Variants in DLAT observed in about 807,000 individuals in gnomAD.
The protein encoded by DLAT is dihydrolipoyllysine-residue acetyltransferase component of pyruvate dehydrogenase complex, mitochondrial.
Under a neutral mutation model 68.0 loss-of-function variants are expected in DLAT, and 43 were observed. That is an observed-to-expected ratio of 0.63 (90% CI 0.50 to 0.81). The LOEUF (loss-of-function observed/expected upper bound fraction) is 0.81, where lower values mean the gene tolerates loss of function less well. Among genes scored for constraint, DLAT ranks in the 40% least tolerant of loss-of-function variants. The probability of loss-of-function intolerance (pLI) is 0.00; values close to 1 mark genes in which losing one functional copy is unlikely to be tolerated. For missense variants in DLAT, 745 were observed against 815.4 expected (o/e 0.91, Z 1.05); for synonymous variants, 265 against 288.6 (o/e 0.92, Z 0.83).
intron 4 of DLAT, among the ~76,000 whole-genome samples, chr11:112,029,174 C>A (rs1862259672): frequency 6.6e-6 from 1 of 152,208 alleles, no homozygotes; most frequent in African/African-American, 2.4e-5. Flanking sequence ...GTGTAGTACA[C>A]AGGGTAATGC....
chr11:112,047,997 G>A (rs1164755670), intron 10 of DLAT, among the ~76,000 whole-genome samples: 1 of 152,038 alleles, frequency 6.6e-6, no homozygotes, highest in Non-Finnish European at 1.5e-5. Flanking sequence ...TTCTAATTCT[G>A]TGAAGAAAGT....
chr11:112,051,537 C>T lies in DLAT; in HGVS notation c.1514+188C>T, dbSNP rs901352120. 6.6e-6 allele frequency among the ~76,000 whole-genome samples: 1 copy of T among 151,902 alleles called. No homozygotes were observed. The highest frequency in any genetic ancestry group is 2.4e-5 in the African/African-American group (1 of 41,340). On this transcript the variant is annotated intron_variant, in intron 11 of 13. Transcript: ENST00000280346. This position sits in a 1 kb window ranked among gnomAD's most constrained non-coding sequence, Gnocchi z 4.3. Reference sequence around the variant, plus strand: ...CTTTTTACTTTTTTTTCTTACTGGCCCCAATTTTCAACCTTGTTTTTGTTT... The same window carrying T: ...CTTTTTACTTTTTTTTCTTACTGGCTCCAATTTTCAACCTTGTTTTTGTTT...
In DLAT at chr11:112,062,910, C is replaced by T. The variant is rs1864722925; in HGVS notation, c.*375C>T. 1 of 237,006 alleles carries T rather than the reference C, an allele frequency of 4.2e-6. No homozygotes were observed. The allele number at this position is 237,006 out of a possible 1,614,324, so 14.7% of individuals were successfully genotyped here. A position where few individuals can be genotyped will look rare whatever the true frequency, so the allele number is the denominator to read the frequency against. On this transcript the variant is annotated 3_prime_UTR_variant, in exon 14 of 14. Coordinates refer to ENST00000280346, the MANE Select transcript of DLAT (RefSeq NM_001931.5). ...GAAACCTTGAAGTTCTGAAATTTAA[C>T]TGCCTAAAATGTTCTCCTTAGATGT...
At chr11:112,052,336 A>G (rs1381762581) in intron 11 of DLAT, among the ~76,000 whole-genome samples, 1 of 152,102 alleles carries the variant, frequency 6.6e-6, no homozygotes, top group Non-Finnish European at 1.5e-5. Flanking sequence ...CAGATCCCAA[A>G]GATTGAGGGC....
At chr11:112,059,279 G>A (rs1555182924) in intron 11 of DLAT, among the ~76,000 whole-genome samples, 2 of 151,960 alleles carry the variant, frequency 1.3e-5, no homozygotes, top group African/African-American at 2.4e-5. Context: ...TTCACGTGTC[G>A]GTCAAGGCAG....
At chr11:112,036,199 GTGTTTTTTTTTTTTTT>G (rs1862751750) in intron 5 of DLAT, among the ~76,000 whole-genome samples, 8 of 51,920 alleles carry the variant, frequency 1.5e-4, no homozygotes, top group Admixed American at 6.2e-4. Context: ...GTGTGTGTGT[GTGTTTTTTTTTTTTTT>G]TTTTTTTTTT....
At chr11:112,049,307 G>A (rs1339610553) in intron 10 of DLAT, among the ~76,000 whole-genome samples, 1 of 152,162 alleles carries the variant, frequency 6.6e-6, no homozygotes, top group Non-Finnish European at 1.5e-5. Flanking sequence ...GGATGTATCT[G>A]CTGATCAGTT....
intron 5 of DLAT, among the ~76,000 whole-genome samples, chr11:112,034,183 C>G (rs1171494315): frequency 6.6e-6 from 1 of 152,148 alleles, no homozygotes; most frequent in South Asian, 2.1e-4. Context: ...ATCAGAATTG[C>G]TGCTGTCTAA....
intron 2 of DLAT, 99 bp from the exon 3 acceptor site, chr11:112,028,416 G>A: frequency 3.4e-6 from 4 of 1,189,276 alleles, no homozygotes; most frequent in Non-Finnish European, 4.6e-6. Context: ...GAGACTCTGT[G>A]TCTCAAAAAA....
chr11:112,057,330 G>A (rs1354008952), intron 11 of DLAT, among the ~76,000 whole-genome samples: 2 of 152,140 alleles, frequency 1.3e-5, no homozygotes, highest in South Asian at 2.1e-4. Context: ...AGACTTTCAC[G>A]TCTCTTACTT....
At chr11:112,061,481 C>T in intron 13 of DLAT, 1 of 341,812 alleles carries the variant, frequency 2.9e-6, no homozygotes, top group South Asian at 3.1e-5. Flanking sequence ...TGTTTACTTT[C>T]TGGATATTTT....
At chr11:112,041,777 G>A (rs1863063834) in intron 7 of DLAT, among the ~76,000 whole-genome samples, 1 of 152,152 alleles carries the variant, frequency 6.6e-6, no homozygotes, top group African/African-American at 2.4e-5. Context: ...AGCTACTCGG[G>A]AGGCTGAGGC....
chr11:112,030,061 T>C (rs1862312227), intron 4 of DLAT: 1 of 950,100 alleles, frequency 1.1e-6, no homozygotes, highest in Non-Finnish European at 1.7e-6. Context: ...GCTGAGTGTC[T>C]AAGTTTAAAA....
chr11:112,034,639 T>C (rs1380698164), intron 5 of DLAT, among the ~76,000 whole-genome samples: 2 of 151,686 alleles, frequency 1.3e-5, no homozygotes, highest in Non-Finnish European at 2.9e-5. Flanking sequence ...AGATGGGGTT[T>C]CACTGTGTTA....
intron 2 of DLAT, among the ~76,000 whole-genome samples, chr11:112,027,577 G>A (rs1465140550): frequency 1.3e-5 from 2 of 152,014 alleles, no homozygotes; most frequent in East Asian, 3.9e-4. Flanking sequence ...GTAGCGAGCC[G>A]AGATCACGCC....
intron 11 of DLAT, 115 bp from the exon 12 acceptor site, chr11:112,059,788 A>G: frequency 1.2e-6 from 1 of 830,676 alleles, no homozygotes; most frequent in Non-Finnish European, 1.8e-6. Flanking sequence ...TGGCTGAACA[A>G]TAACACACAT....
At position 112,025,748 on chromosome 11, in the gene DLAT, G is replaced by T. The variant is rs781801955; in HGVS notation, c.276G>T (p.Gln92His). 1 of 1,613,210 alleles carries T rather than the reference G, an allele frequency of 6.2e-7. No individual in the cohort carries two copies. Among genetic ancestry groups the T allele is most frequent in the South Asian group, 1.1e-5 (1 of 91,074 alleles). ...GCTATTACAGTCTTCCCCCGCATCA[G>T]AAGGTGAGCCCTAGACCCCCCTTCT... is the stretch of plus-strand genomic sequence containing the variant. ...GRRYYSLPPH[Q>H]KVPLPSLSPT... The change falls in exon 1 of 14, where the codon CAG (glutamine) becomes CAT (histidine). Residue 92 changes from glutamine (Q) to histidine (H), a missense_variant. Physicochemically the swap from Gln to His is conservative, Grantham distance 24 (BLOSUM62 0). Transcript: ENST00000280346.
intron 2 of DLAT, among the ~76,000 whole-genome samples, chr11:112,026,910 A>C (rs1862055453): frequency 6.7e-6 from 1 of 148,570 alleles, no homozygotes. Flanking sequence ...GGCGCCCCTC[A>C]CCTCCCGGGC....
rs146484734 is a variant in DLAT at position 112,039,903 on chromosome 11, C to A, written c.1129+506C>A. Among the ~76,000 whole-genome samples, 429 of 152,308 alleles carry A rather than the reference C, an allele frequency of 2.8e-3. 6 individuals are homozygous for A. Among genetic ancestry groups the A allele is most frequent in the African/African-American group, 9.6e-3 (400 of 41,556 alleles). Reference sequence around the variant, plus strand: ...AAAAAATATAGCTTTGTGATAAGAGCATGGGGCCTGGAATCAGACCACCTA... The same window carrying A: ...AAAAAATATAGCTTTGTGATAAGAGAATGGGGCCTGGAATCAGACCACCTA... On this transcript the variant is annotated intron_variant, in intron 7 of 13. Coordinates refer to ENST00000280346, the MANE Select transcript of DLAT (RefSeq NM_001931.5).
Sources: gnomAD v4.1 joint callset for allele counts (sites outside exome capture counted in the v4.1 genomes callset) on GRCh38, gnomAD v4.1.1 for gene constraint, Gnocchi (gnomAD v3.1) non-coding constraint, MANE v1.5 for transcripts, NCBI Gene and HGNC (gene_info 2026-07-23, HGNC 2026-07-21) for gene names.